ATL1: variants seen among roughly 807,000 people sequenced by gnomAD.
ATL1 encodes atlastin-1.
ATL1 carries 31 observed loss-of-function variants against 75.5 expected under a neutral mutation model. The observed-to-expected ratio is 0.41, with a 90% CI of 0.31 to 0.55. The LOEUF is 0.55. ATL1 is among the 20% of genes least tolerant of loss of function. The pLI is 0.27. For missense variants in ATL1, 405 were observed against 662.6 expected (o/e 0.61, Z 4.27); for synonymous variants, 226 against 233.3 (o/e 0.97, Z 0.28).
chr14:50,541,304 A>G (rs988552864), intron 1 of ATL1, among the ~76,000 whole-genome samples: 1 of 152,158 alleles, frequency 6.6e-6, no homozygotes, highest in African/African-American at 2.4e-5. Context: ...ACATTATGCA[A>G]ATTGCACCTT....
chr14:50,593,561 T>A (rs2140207767), intron 4 of ATL1, among the ~76,000 whole-genome samples: 1 of 152,330 alleles, frequency 6.6e-6, no homozygotes, highest in South Asian at 2.1e-4. Context: ...AGAATGAGTT[T>A]TTTTGACTAA....
At chr14:50,596,351 A>G (rs541915974) in intron 6 of ATL1, among the ~76,000 whole-genome samples, 1 of 152,316 alleles carries the variant, frequency 6.6e-6, no homozygotes, top group African/African-American at 2.4e-5. Context: ...GCCTCAAAAT[A>G]TATAAAGATC....
chr14:50,575,919 C>A (rs979749979), intron 1 of ATL1, among the ~76,000 whole-genome samples: 4 of 152,090 alleles, frequency 2.6e-5, no homozygotes, highest in Non-Finnish European at 4.4e-5. Context: ...CAGAACACCA[C>A]ATAGAATGAA....
At chr14:50,608,473 G>A (rs910514164) in intron 6 of ATL1, among the ~76,000 whole-genome samples, 2 of 111,460 alleles carry the variant, frequency 1.8e-5, no homozygotes, top group African/African-American at 5.5e-5. Flanking sequence ...ACAAATCAAG[G>A]CTTTTGTTTT....
At chr14:50,588,733 A>C (rs898600011) in intron 2 of ATL1, among the ~76,000 whole-genome samples, 1 of 152,188 alleles carries the variant, frequency 6.6e-6, no homozygotes, top group Non-Finnish European at 1.5e-5. Context: ...CTAAAAAAAA[A>C]CACACAAAAA....
rs192145107 is a variant in ATL1 at position 50,565,549 on chromosome 14, T to C, written c.34+5250T>C. On this transcript the variant is annotated intron_variant, in intron 1 of 13. Coordinates refer to ENST00000358385, the MANE Select transcript of ATL1 (RefSeq NM_015915.5). ...TGATATGTACTATATATAAGACATG[T>C]ACTGTAGATTTTCCTTCCCTACATT... 2.6e-4 allele frequency among the ~76,000 whole-genome samples: 40 copies of C among 152,276 alleles called. 1 individual carries two copies. The highest frequency in any genetic ancestry group is 2.3e-3 in the Admixed American group (35 of 15,298).
chr14:50,581,407 G>T (rs1432027473), intron 1 of ATL1, among the ~76,000 whole-genome samples: 1 of 151,944 alleles, frequency 6.6e-6, no homozygotes, highest in East Asian at 1.9e-4. Flanking sequence ...GTAATTAGAA[G>T]ATAAGAGGGC....
upstream of ATL1, among the ~76,000 whole-genome samples, chr14:50,558,525 T>C (rs944063178): frequency 6.6e-6 from 1 of 152,216 alleles, no homozygotes; most frequent in African/African-American, 2.4e-5. Flanking sequence ...TAAGCATTTT[T>C]TTGTGATTCA....
intron 11 of ATL1, among the ~76,000 whole-genome samples, chr14:50,623,876 C>G (rs551912603): frequency 6.6e-6 from 1 of 151,412 alleles, no homozygotes; most frequent in African/African-American, 2.4e-5. Flanking sequence ...CATGGTGAAA[C>G]CCTCTCTCTA....
Position 50,605,382 on chromosome 14 carries a change from C to A in ATL1, c.631-7877C>A, listed in dbSNP as rs111673709. Among the ~76,000 whole-genome samples the A allele has an allele frequency of 5.3e-5, 8 of 151,970 alleles. 1 individual carries two copies. Among genetic ancestry groups the A allele is most frequent in the Non-Finnish European group, 7.4e-5 (5 of 67,878 alleles). ...ATTTCTATTTTGCTAATTACCCAAGCCCTATGAAAAGTCAGTGATATACTA... is the reference window on the plus strand; with the variant it reads ...ATTTCTATTTTGCTAATTACCCAAGACCTATGAAAAGTCAGTGATATACTA... On this transcript the variant is annotated intron_variant, in intron 6 of 13. Transcript: ENST00000358385.
In ATL1 at chr14:50,622,495, G is replaced by C. The variant is rs181292805; in HGVS notation, c.1047+596G>C. ...AGCCTAGCCAGCATGGTGAAACCCT[G>C]TCTCTACTAAAAATACAAAAATTAG... is the stretch of plus-strand genomic sequence containing the variant. On this transcript the variant is annotated intron_variant, in intron 10 of 13. Coordinates refer to ENST00000358385, the MANE Select transcript of ATL1 (RefSeq NM_015915.5). Among the ~76,000 whole-genome samples the C allele has an allele frequency of 8.4e-3, 1,271 of 152,072 alleles. 16 individuals are homozygous for C. The highest frequency in any genetic ancestry group is 0.029 in the African/African-American group (1,191 of 41,514).
At chr14:50,536,886 G>A (rs1222168688) in intron 1 of ATL1, among the ~76,000 whole-genome samples, 1 of 152,198 alleles carries the variant, frequency 6.6e-6, no homozygotes, top group Non-Finnish European at 1.5e-5. Context: ...TCTTATAAGG[G>A]AAGCACAGCA....
Position 50,632,373 on chromosome 14 carries a change from T to C in ATL1, c.*34T>C, listed in dbSNP as rs2039591352. 1 of 1,386,196 alleles carries C rather than the reference T, an allele frequency of 7.2e-7. No individual in the cohort carries two copies. Among genetic ancestry groups the C allele is most frequent in the African/African-American group, 1.4e-5 (1 of 70,148 alleles). 85.9% of individuals were successfully genotyped at this position (1,386,196 alleles called of 1,614,324 possible). A position where few individuals can be genotyped will look rare whatever the true frequency, so the allele number is the denominator to read the frequency against. ...TTAAGAAATACAGGTGCATGACCAA[T>C]TGTCAATTAAATATTCAGTTTTATG... On this transcript the variant is annotated 3_prime_UTR_variant, in exon 14 of 14. Coordinates refer to ENST00000358385, the MANE Select transcript of ATL1 (RefSeq NM_015915.5).
chr14:50,619,253 G>T (rs1159317503), intron 8 of ATL1, among the ~76,000 whole-genome samples: 1 of 152,142 alleles, frequency 6.6e-6, no homozygotes, highest in Non-Finnish European at 1.5e-5. Flanking sequence ...TAGAGGTGGG[G>T]TTTCACCGTG....
chr14:50,629,108 A>C (rs2039552169), intron 12 of ATL1, among the ~76,000 whole-genome samples: 1 of 152,196 alleles, frequency 6.6e-6, no homozygotes, highest in African/African-American at 2.4e-5. Context: ...ACATTATCTC[A>C]TATTTACAAC....
At chr14:50,623,498 G>T (rs2039487573) in intron 11 of ATL1, among the ~76,000 whole-genome samples, 1 of 151,500 alleles carries the variant, frequency 6.6e-6, no homozygotes, top group East Asian at 1.9e-4. Flanking sequence ...TATTTGGGGG[G>T]AGCGCCAGGT....
upstream of ATL1, chr14:50,559,374 C>T (rs1023668633): frequency 1.3e-5 from 2 of 152,140 alleles, no homozygotes; most frequent in Non-Finnish European, 2.9e-5. Context: ...CTGAAAACAA[C>T]TAAGTTTGTA....
intron 1 of ATL1, among the ~76,000 whole-genome samples, chr14:50,576,593 A>G (rs1328037021): frequency 6.6e-6 from 1 of 152,216 alleles, no homozygotes; most frequent in Non-Finnish European, 1.5e-5. Flanking sequence ...AAAAAATTTT[A>G]GAGACAGGGT....
chr14:50,592,727 C>T (rs1185135187), intron 4 of ATL1, among the ~76,000 whole-genome samples: 3 of 151,254 alleles, frequency 2.0e-5, no homozygotes, highest in East Asian at 3.9e-4. Flanking sequence ...CTGGCTAACA[C>T]GGTGAAACCC....
Sources: allele counts gnomAD v4.1 joint callset (sites outside exome capture counted in the v4.1 genomes callset), GRCh38; gene constraint gnomAD v4.1.1; transcripts MANE v1.5; gene names NCBI Gene and HGNC (gene_info 2026-07-23, HGNC 2026-07-21).